ITK: variants seen among roughly 807,000 people sequenced by gnomAD.
ITK encodes tyrosine-protein kinase ITK/TSK.
Under a neutral mutation model 87.6 loss-of-function variants are expected in ITK, and 45 were observed. The observed-to-expected ratio is 0.51, with a 90% confidence interval of 0.40 to 0.66. The LOEUF (loss-of-function observed/expected upper bound fraction) is 0.66, where lower values mean the gene tolerates loss of function less well. Ranked by LOEUF, ITK falls within the 30% of genes least tolerant of loss-of-function variation. The pLI is 0.00. For synonymous variants in ITK, 303 were observed against 273.6 expected (o/e 1.11, Z -1.06); for missense variants, 605 against 766.3 (o/e 0.79, Z 2.48).
At chr5:157,230,067 AAT>A (rs1361874590) in intron 7 of ITK, among the ~76,000 whole-genome samples, 8 of 152,224 alleles carry the variant, frequency 5.3e-5, no homozygotes, top group Non-Finnish European at 1.2e-4. Flanking sequence ...GCAGTTAAGT[AAT>A]AGTGTTATGT....
In ITK at chr5:157,223,036, T is replaced by C. The variant is rs1274647150; in HGVS notation, c.647+22T>C. On this transcript the variant is annotated intron_variant, in intron 6 of 16. Coordinates refer to ENST00000422843, the MANE Select transcript of ITK (RefSeq NM_005546.4). ...ATGGGTAAGTCATCTTTGTGGCTGC[T>C]GTCCCCGTGTTTGAGGTGTGGTGCG... 3 of 1,613,844 alleles carry C rather than the reference T, an allele frequency of 1.9e-6. No homozygotes were observed. In the African/African-American group the frequency reaches 4.0e-5, roughly 22 times the overall value.
intron 1 of ITK, among the ~76,000 whole-genome samples, chr5:157,200,760 C>G (rs891183681): frequency 2.6e-5 from 4 of 152,160 alleles, no homozygotes; most frequent in African/African-American, 9.7e-5. Context: ...ATCTGACAGC[C>G]TGTTAAGGCA....
At chr5:157,213,282 GA>G (rs928830098) in intron 3 of ITK, among the ~76,000 whole-genome samples, 4 of 152,156 alleles carry the variant, frequency 2.6e-5, no homozygotes, top group Non-Finnish European at 4.4e-5. Context: ...CAGCATGGGG[GA>G]AAATATCCCC....
chr5:157,216,226 C>T (rs765560626), intron 4 of ITK, among the ~76,000 whole-genome samples: 20 of 152,162 alleles, frequency 1.3e-4, no homozygotes, highest in Non-Finnish European at 2.8e-4. Context: ...ATGGTCATCA[C>T]CCTGGATGAA....
rs764145653 is a variant in ITK at position 157,180,983 on chromosome 5, C to T, written c.6C>T (p.Asn2=). 1 of 1,613,848 alleles carries T rather than the reference C, an allele frequency of 6.2e-7. No homozygotes were observed. Among genetic ancestry groups the T allele is most frequent in the Non-Finnish European group, 8.5e-7 (1 of 1,179,774 alleles). M[N]NFILLEEQLI... The stretch of plus-strand genomic sequence containing the variant: ...CACCTTTCAAGAACTGGATCATGAA[C>T]AACTTTATCCTCCTGGAAGAACAGC... The change falls in exon 1 of 17, where the codon AAC becomes AAT. Residue 2 remains asparagine (N), a synonymous_variant. Coordinates refer to ENST00000422843, the MANE Select transcript of ITK (RefSeq NM_005546.4).
chr5:157,208,081 G>A (rs1188909632), intron 1 of ITK, among the ~76,000 whole-genome samples: 1 of 152,188 alleles, frequency 6.6e-6, no homozygotes, highest in Non-Finnish European at 1.5e-5. Flanking sequence ...GTACCTGTGA[G>A]AGGCTTCTTC....
At chr5:157,209,960 C>A (rs1754155873) in intron 2 of ITK, among the ~76,000 whole-genome samples, 1 of 149,770 alleles carries the variant, frequency 6.7e-6, no homozygotes, top group Non-Finnish European at 1.5e-5. Context: ...GAGTCTCACT[C>A]TGTCACCCAG....
At chr5:157,217,189 GAGAGAA>G (rs893946211) in intron 4 of ITK, among the ~76,000 whole-genome samples, 12 of 152,170 alleles carry the variant, frequency 7.9e-5, no homozygotes, top group African/African-American at 2.4e-4. Context: ...AGGAAGGAGA[GAGAGAA>G]AGAGAAAGAG....
intron 6 of ITK, among the ~76,000 whole-genome samples, chr5:157,227,429 A>G (rs546853023): frequency 4.6e-4 from 70 of 152,298 alleles, no homozygotes; most frequent in South Asian, 1.0e-3. Context: ...GCCTGGCTTT[A>G]TCCTTTTTTT....
intron 2 of ITK, among the ~76,000 whole-genome samples, chr5:157,209,646 T>C (rs1754148804): frequency 6.6e-6 from 1 of 152,170 alleles, no homozygotes. Context: ...AGTTTACTCA[T>C]GATTTGAGGC....
chr5:157,250,083 A>G (rs896214449), intron 16 of ITK, among the ~76,000 whole-genome samples: 1 of 152,196 alleles, frequency 6.6e-6, no homozygotes, highest in Non-Finnish European at 1.5e-5. Context: ...CATTAACTAA[A>G]GTTCATAGTT....
intron 8 of ITK, among the ~76,000 whole-genome samples, chr5:157,237,499 A>G (rs1231635439): frequency 2.0e-5 from 3 of 152,232 alleles, no homozygotes; most frequent in Non-Finnish European, 2.9e-5. Context: ...TGTCCATGTA[A>G]CAAACCTGCA....
Position 157,252,756 on chromosome 5 carries a change from A to C in ITK, c.*78A>C. 8.8e-7 allele frequency: 1 copy of C among 1,140,834 alleles called. No homozygotes were observed. Among genetic ancestry groups the C allele is most frequent in the Admixed American group, 1.7e-5 (1 of 59,200 alleles). The allele number at this position is 1,140,834 out of a possible 1,614,324, so 70.7% of individuals were successfully genotyped here. The stretch of plus-strand genomic sequence containing the variant: ...TGTCCTCATTCCATAGAGCATTAGA[A>C]GCTGCCACCAGCCCAGGACCCTCCA... On this transcript the variant is annotated 3_prime_UTR_variant, in exon 17 of 17. Transcript: ENST00000422843.
intron 9 of ITK, among the ~76,000 whole-genome samples, chr5:157,239,641 G>C (rs1754847922): frequency 6.6e-6 from 1 of 152,178 alleles, no homozygotes; most frequent in Admixed American, 6.5e-5. Flanking sequence ...TTTCTAAGGA[G>C]GGTAGTCAGG....
intron 4 of ITK, among the ~76,000 whole-genome samples, chr5:157,216,949 C>G (rs1754310067): frequency 2.0e-5 from 3 of 152,106 alleles, no homozygotes; most frequent in African/African-American, 4.8e-5. Context: ...TGTCCAACTT[C>G]AAGTCAACCT....
chr5:157,238,008 G>T, intron 8 of ITK, 101 bp from the exon 9 acceptor site: 2 of 818,230 alleles, frequency 2.4e-6, no homozygotes, highest in Non-Finnish European at 4.3e-6. Flanking sequence ...TGCCAAGTGG[G>T]CCTACAGTAT....
At chr5:157,250,523 GT>G (rs35837721) in intron 16 of ITK, among the ~76,000 whole-genome samples, 24 of 144,194 alleles carry the variant, frequency 1.7e-4, no homozygotes, top group South Asian at 6.6e-4. Flanking sequence ...GTGGGGTTTT[GT>G]TTTTTTTTTT....
At chr5:157,198,485 G>C (rs895288593) in intron 1 of ITK, among the ~76,000 whole-genome samples, 1 of 152,148 alleles carries the variant, frequency 6.6e-6, no homozygotes, top group Non-Finnish European at 1.5e-5. Flanking sequence ...GCCAGCCAAC[G>C]GTGGGCCAGT....
chr5:157,214,105 G>T (rs1036815070), intron 3 of ITK, 86 bp from the exon 4 acceptor site: 1 of 1,057,164 alleles, frequency 9.5e-7, no homozygotes. Flanking sequence ...CACTCAGCCA[G>T]GTCTAATCTC....
Sources: allele counts gnomAD v4.1 joint callset (sites outside exome capture counted in the v4.1 genomes callset), GRCh38; gene constraint gnomAD v4.1.1; transcripts MANE v1.5; gene names NCBI Gene and HGNC (gene_info 2026-07-23, HGNC 2026-07-21).